Variants in CFAP43 observed in about 807,000 individuals in gnomAD.
The protein encoded by CFAP43 is cilia- and flagella-associated protein 43.
CFAP43 carries 155 observed loss-of-function variants against 218.9 expected under a neutral mutation model. That is an observed-to-expected ratio of 0.71 (90% CI 0.62 to 0.81). The LOEUF (loss-of-function observed/expected upper bound fraction) is 0.81. Among genes scored for constraint, CFAP43 ranks in the 30% least tolerant of loss-of-function variants. CFAP43 has a pLI of 0.00. For missense variants in CFAP43, 1,778 were observed against 1,954.3 expected (o/e 0.91, Z 1.70); for synonymous variants, 645 against 681.3 (o/e 0.95, Z 0.83).
At position 104,133,803 on chromosome 10, in the gene CFAP43, G is replaced by C; in HGVS notation, c.4432-19C>G. ...CTTGAGTCTTTAAAAAAGTACATTA[G>C]ATATCCATATAATATGATTCTGCAT... On this transcript the variant is annotated intron_variant, in intron 34 of 37. Coordinates refer to ENST00000357060, the MANE Select transcript of CFAP43 (RefSeq NM_025145.7). The C allele has an allele frequency of 6.4e-7, 1 of 1,573,694 alleles. No individual in the cohort carries two copies. The highest frequency in any genetic ancestry group is 1.2e-5 in the South Asian group (1 of 85,494).
intron 11 of CFAP43, chr10:104,193,085 A>G (rs896987140): frequency 1.1e-4 from 16 of 152,240 alleles, no homozygotes; most frequent in African/African-American, 3.9e-4. Flanking sequence ...TTAATACCTA[A>G]TAATATAATA....
Position 104,179,860 on chromosome 10 carries a change from T to G in CFAP43, c.2362A>C (p.Ile788Leu). Reference sequence around the variant, plus strand: ...AATACCTCTTGGCTTTTTTGTTGTATCCAAGGAATTTCCTTCTTAACATCG... The same window carrying G: ...AATACCTCTTGGCTTTTTTGTTGTAGCCAAGGAATTTCCTTCTTAACATCG... Reference protein sequence around the residue: ...LTDVKKEIPWIQQKSQEAIKK... With the variant: ...LTDVKKEIPWLQQKSQEAIKK... Residue 788 changes from isoleucine to leucine, a missense_variant, in exon 18 of 38, where the codon ATA becomes CTA. Physicochemically the swap from Ile to Leu is conservative, Grantham distance 5. This residue lies in a region of CFAP43 where 1,553 missense variants were observed against 1,685.2 expected (regional missense o/e 0.92). Transcript: ENST00000357060. 1 of 1,613,804 alleles carries G rather than the reference T, an allele frequency of 6.2e-7. No individual in the cohort carries two copies. The highest frequency in any genetic ancestry group is 8.5e-7 in the Non-Finnish European group (1 of 1,179,850).
rs1448029426 is a variant in CFAP43 at position 104,161,126 on chromosome 10, CA to C, written c.3450del (p.Asp1150GlufsTer19). On this transcript the variant is annotated frameshift_variant, in exon 27 of 38. Coordinates refer to ENST00000357060, the MANE Select transcript of CFAP43 (RefSeq NM_025145.7). LOFTEE classifies it high-confidence loss of function. ...TTTCTTTCTTCTTCAGTCCACACAG[CA>C]TCAGGTTTTGCCATGAAAGCAGGTT... ...IPQPAFMAKPDAVWTEEERKQ... is the reference protein window; with the variant it reads ...IPQPAFMAKPXAVWTEEERKQ... 6.2e-7 allele frequency: 1 copy of C among 1,613,666 alleles called. No individual in the cohort carries two copies. The highest frequency in any genetic ancestry group is 8.5e-7 in the Non-Finnish European group (1 of 1,179,854).
intron 3 of CFAP43, among the ~76,000 whole-genome samples, chr10:104,217,974 GCAAA>G (rs2091062049): frequency 6.6e-6 from 1 of 152,220 alleles, no homozygotes; most frequent in Non-Finnish European, 1.5e-5. Flanking sequence ...GCTATGACAA[GCAAA>G]CAGAGAAACT....
chr10:104,193,730 T>G (rs1449927623), intron 11 of CFAP43, 136 bp downstream of exon 11: 2 of 1,225,756 alleles, frequency 1.6e-6, no homozygotes, highest in Non-Finnish European at 2.2e-6. Flanking sequence ...TTTTGAGTGT[T>G]GAACTGTGTG....
At chr10:104,204,498 G>C (rs956413932) in intron 7 of CFAP43, among the ~76,000 whole-genome samples, 9 of 152,288 alleles carry the variant, frequency 5.9e-5, no homozygotes, top group African/African-American at 1.9e-4. Flanking sequence ...CAAATGCTTG[G>C]GCCCTGGAAG....
chr10:104,213,852 T>C (rs2090936251), intron 4 of CFAP43, among the ~76,000 whole-genome samples: 1 of 152,172 alleles, frequency 6.6e-6, no homozygotes. Flanking sequence ...ATACTTTCTA[T>C]ATCTAACCAT....
chr10:104,204,985 C>A (rs1009243093), intron 7 of CFAP43, among the ~76,000 whole-genome samples: 1 of 152,026 alleles, frequency 6.6e-6, no homozygotes, highest in Non-Finnish European at 1.5e-5. Context: ...GAGGCCCAGG[C>A]GGGCGGATCA....
chr10:104,156,201 CG>C (rs900365997), intron 27 of CFAP43, among the ~76,000 whole-genome samples: 20 of 152,078 alleles, frequency 1.3e-4, no homozygotes, highest in African/African-American at 4.8e-4. Flanking sequence ...ATCATAAAAT[CG>C]GAAGACACAC....
chr10:104,211,921 C>G (rs1422552808), intron 5 of CFAP43, 86 bp downstream of exon 5: 1 of 1,452,994 alleles, frequency 6.9e-7, no homozygotes, highest in Non-Finnish European at 9.3e-7. Flanking sequence ...CTGCATTTCT[C>G]AAGGGATGGT....
intron 12 of CFAP43, among the ~76,000 whole-genome samples, chr10:104,188,764 A>G (rs2090114548): frequency 6.6e-6 from 1 of 152,138 alleles, no homozygotes; most frequent in Non-Finnish European, 1.5e-5. Flanking sequence ...CAGGTTACCT[A>G]ATCCTAAGAT....
chr10:104,200,478 T>C (rs559285581), intron 8 of CFAP43, among the ~76,000 whole-genome samples: 1 of 152,018 alleles, frequency 6.6e-6, no homozygotes, highest in African/African-American at 2.4e-5. Context: ...GAGACCAGCC[T>C]GGCCAATGTG....
At chr10:104,156,807 T>C (rs2088570558) in intron 27 of CFAP43, among the ~76,000 whole-genome samples, 1 of 152,220 alleles carries the variant, frequency 6.6e-6, no homozygotes, top group African/African-American at 2.4e-5. Flanking sequence ...TATGGTACTT[T>C]TAGAGACAGC....
chr10:104,135,358 C>A (rs995715366), intron 34 of CFAP43, among the ~76,000 whole-genome samples: 2 of 152,088 alleles, frequency 1.3e-5, no homozygotes, highest in African/African-American at 2.4e-5. Context: ...TTTGATTCAA[C>A]ACTGTAATAA....
chr10:104,200,851 A>G (rs2090516238), intron 8 of CFAP43, among the ~76,000 whole-genome samples: 1 of 152,140 alleles, frequency 6.6e-6, no homozygotes, highest in Non-Finnish European at 1.5e-5. Flanking sequence ...CAGGATGGAC[A>G]AGAGTTCACA....
At chr10:104,219,435 A>C (rs1222492119) in intron 3 of CFAP43, among the ~76,000 whole-genome samples, 2 of 152,178 alleles carry the variant, frequency 1.3e-5, no homozygotes, top group Non-Finnish European at 2.9e-5. Context: ...GTACGAAAGT[A>C]TTGGAGATAC....
rs2087746881 is a variant in CFAP43 at position 104,142,359 on chromosome 10, G to A, written c.4193C>T (p.Ala1398Val). 1 of 1,613,144 alleles carries A rather than the reference G, an allele frequency of 6.2e-7. No homozygotes were observed. The highest frequency in any genetic ancestry group is 1.3e-5 in the African/African-American group (1 of 74,860). Residue 1398 changes from alanine (A) to valine (V), a missense_variant, in exon 33 of 38, where the codon GCA (alanine) becomes GTA (valine). Coordinates refer to ENST00000357060, the MANE Select transcript of CFAP43 (RefSeq NM_025145.7). ...KQKAADLLEM[A>V]TFLQKRVEEE... Reference sequence around the variant, plus strand: ...CTCAACTCTCTTCTGGAGGAAAGTTGCCATTTCCAATAAGTCAGCTGCTTT... The same window carrying A: ...CTCAACTCTCTTCTGGAGGAAAGTTACCATTTCCAATAAGTCAGCTGCTTT...
chr10:104,180,984 C>T (rs148011749), intron 17 of CFAP43, among the ~76,000 whole-genome samples: 4 of 152,160 alleles, frequency 2.6e-5, no homozygotes, highest in Admixed American at 6.5e-5. Context: ...AAATCCCATC[C>T]GCATGCCCTT....
intron 10 of CFAP43, among the ~76,000 whole-genome samples, chr10:104,195,833 T>C (rs2090367140): frequency 6.6e-6 from 1 of 152,226 alleles, no homozygotes; most frequent in African/African-American, 2.4e-5. Flanking sequence ...TCAGCATCCA[T>C]ACGCCCTCCT....
Sources: allele counts gnomAD v4.1 joint callset (sites outside exome capture counted in the v4.1 genomes callset), GRCh38; gene constraint gnomAD v4.1.1; regional missense constraint gnomAD v4.1.1; transcripts MANE v1.5; gene names NCBI Gene and HGNC (gene_info 2026-07-23, HGNC 2026-07-21).